The following TBC1D14 variants were observed in gnomAD, a reference collection of about 807,000 sequenced individuals.
TBC1D14 encodes TBC1 domain family member 14, also known as TBC1 domain family, member 14.
In TBC1D14, 26 loss-of-function variants were observed where a neutral mutation model predicts 79.0. The observed-to-expected ratio is 0.33, with a 90% CI of 0.24 to 0.46. The LOEUF (loss-of-function observed/expected upper bound fraction) is 0.46. Ranked by LOEUF, TBC1D14 falls within the 20% of genes least tolerant of loss-of-function variation. The pLI, the probability that TBC1D14 is intolerant of heterozygous loss-of-function variation, is 1.00. For missense variants in TBC1D14, 769 were observed against 887.6 expected (o/e 0.87, Z 1.70); for synonymous variants, 394 against 349.9 (o/e 1.13, Z -1.40).
intron 9 of TBC1D14, among the ~76,000 whole-genome samples, chr4:7,008,185 G>A (rs112449392): frequency 0.01 from 1,543 of 152,302 alleles, 26 homozygotes; most frequent in African/African-American, 0.035. Context: ...AGGTCAAAGG[G>A]CCATATCCTA....
At chr4:6,933,292 CTT>C (rs1711969503) in intron 2 of TBC1D14, among the ~76,000 whole-genome samples, 22 of 43,976 alleles carry the variant, frequency 5.0e-4, no homozygotes, top group African/African-American at 5.8e-4. Flanking sequence ...TCCCCTTCCC[CTT>C]CCCCTTCCCC....
intron 1 of TBC1D14, among the ~76,000 whole-genome samples, chr4:6,913,822 G>C (rs750630680): frequency 6.6e-6 from 1 of 152,138 alleles, no homozygotes; most frequent in Non-Finnish European, 1.5e-5. Flanking sequence ...ATTTTGCATT[G>C]AAAGTCTTTA....
At chr4:6,978,636 C>CAG (rs1717057977) in intron 3 of TBC1D14, among the ~76,000 whole-genome samples, 1 of 147,856 alleles carries the variant, frequency 6.8e-6, no homozygotes, top group African/African-American at 2.6e-5. Context: ...ATAGGAAAAC[C>CAG]AGAGACCTTT....
intron 2 of TBC1D14, among the ~76,000 whole-genome samples, chr4:6,929,319 G>T (rs1711530340): frequency 6.6e-6 from 1 of 152,230 alleles, no homozygotes; most frequent in South Asian, 2.1e-4. Flanking sequence ...GGCTGCAGTT[G>T]TCAGGGAGTA....
chr4:7,016,259 T>TGGCGCTGGCGGGGATGC (rs1342372661), intron 12 of TBC1D14, among the ~76,000 whole-genome samples: 3 of 152,092 alleles, frequency 2.0e-5, no homozygotes, highest in African/African-American at 7.2e-5. Context: ...GGGCCGTGAG[T>TGGCGCTGGCGGGGATGC]GGCGCTGGCG....
chr4:6,948,334 T>C (rs1713680849), intron 2 of TBC1D14, among the ~76,000 whole-genome samples: 2 of 152,200 alleles, frequency 1.3e-5, no homozygotes, highest in Admixed American at 1.3e-4. Context: ...TTTAGGTAAA[T>C]GGACTCATCC....
At chr4:7,028,633 A>G (rs1197988207) in intron 13 of TBC1D14, among the ~76,000 whole-genome samples, 1 of 151,826 alleles carries the variant, frequency 6.6e-6, no homozygotes, top group Non-Finnish European at 1.5e-5. Flanking sequence ...CACCACGTTG[A>G]CCAGGCTGGT....
chr4:7,024,626 G>A (rs933971201), intron 12 of TBC1D14, among the ~76,000 whole-genome samples: 1 of 152,202 alleles, frequency 6.6e-6, no homozygotes, highest in Admixed American at 6.5e-5. Context: ...CCAGCATTGA[G>A]CCCCATAGCC....
chr4:6,944,325 C>T (rs1313885584), intron 2 of TBC1D14, among the ~76,000 whole-genome samples: 2 of 152,194 alleles, frequency 1.3e-5, no homozygotes, highest in African/African-American at 4.8e-5. Context: ...TGTAGGATTT[C>T]ATCCTGTGAA....
At chr4:6,975,441 T>A (rs150430967) in intron 3 of TBC1D14, among the ~76,000 whole-genome samples, 4,994 of 152,092 alleles carry the variant, frequency 0.033, 138 homozygotes, top group Non-Finnish European at 0.057. Flanking sequence ...AACTCCTGGA[T>A]TCAAGTGATC....
intron 3 of TBC1D14, among the ~76,000 whole-genome samples, chr4:6,988,885 C>CT (rs34268749): frequency 0.37 from 28,794 of 76,956 alleles, 6,352 homozygotes; most frequent in South Asian, 0.43. Flanking sequence ...TTCTTTCTTT[C>CT]TTTTTTTTTT....
upstream of TBC1D14, chr4:6,909,820 G>C (rs1403184649): frequency 3.4e-5 from 5 of 148,410 alleles, no homozygotes; most frequent in East Asian, 3.9e-4. Flanking sequence ...CGGGCTGCTC[G>C]CGCGCACCTG....
chr4:6,916,129 G>GA (rs5855936), intron 1 of TBC1D14, among the ~76,000 whole-genome samples: 134,898 of 139,628 alleles, frequency 0.97, 65,145 homozygotes, highest in South Asian at 0.99. Context: ...TCCATCTCAG[G>GA]AAAAAAAAAA....
intron 1 of TBC1D14, among the ~76,000 whole-genome samples, chr4:6,923,136 G>A (rs1297144044): frequency 6.6e-6 from 1 of 152,226 alleles, no homozygotes. Context: ...AGGAGGCAGA[G>A]GTTTGCAGTA....
rs529439308 is a variant in TBC1D14 at position 6,945,697 on chromosome 4, C to T, written c.722+21586C>T. The stretch of plus-strand genomic sequence containing the variant: ...CCGGGAGGCGGAGGTTGCGGTGAGC[C>T]GAGATCGCGCCATTGCGCTCCAGCC... On this transcript the variant is annotated intron_variant, in intron 2 of 13. Transcript: ENST00000409757. Among the ~76,000 whole-genome samples, 28 of 125,746 alleles carry T rather than the reference C, an allele frequency of 2.2e-4. 1 individual carries two copies. The South Asian group carries it at 5.7e-3, about 26-fold the overall frequency. The allele number at this position is 125,746 out of a possible 152,430, so 82.5% of individuals were successfully genotyped here. A position where few individuals can be genotyped will look rare whatever the true frequency, so the allele number is the denominator to read the frequency against.
chr4:6,953,597 A>C (rs909288660), intron 2 of TBC1D14, among the ~76,000 whole-genome samples: 2 of 134,668 alleles, frequency 1.5e-5, no homozygotes, highest in African/African-American at 5.6e-5. Context: ...GCGCCACTGC[A>C]CTCCAGCCTG....
At chr4:7,017,207 C>T (rs925903014) in intron 12 of TBC1D14, among the ~76,000 whole-genome samples, 1 of 152,022 alleles carries the variant, frequency 6.6e-6, no homozygotes, top group Admixed American at 6.6e-5. Context: ...GGCTGAGGCA[C>T]GAGAATCATT....
At chr4:6,965,524 A>T (rs888504477) in intron 2 of TBC1D14, among the ~76,000 whole-genome samples, 1 of 152,174 alleles carries the variant, frequency 6.6e-6, no homozygotes, top group African/African-American at 2.4e-5. Flanking sequence ...CATGCATCAG[A>T]TCAGATGTCC....
At chr4:7,009,427 C>G (rs957707493) in intron 9 of TBC1D14, among the ~76,000 whole-genome samples, 1 of 152,118 alleles carries the variant, frequency 6.6e-6, no homozygotes, top group African/African-American at 2.4e-5. Context: ...TTCAGAAAAC[C>G]AACAGAAACA....
Sources: gnomAD v4.1 joint callset for allele counts (sites outside exome capture counted in the v4.1 genomes callset) on GRCh38, gnomAD v4.1.1 for gene constraint, MANE v1.5 for transcripts, NCBI Gene and HGNC (gene_info 2026-07-23, HGNC 2026-07-21) for gene names.